WWOX: variants seen among roughly 807,000 people sequenced by gnomAD.
The protein encoded by WWOX is WW domain-containing oxidoreductase.
WWOX carries 69 observed loss-of-function variants against 46.2 expected under a neutral mutation model. That is an observed-to-expected ratio of 1.49 (90% CI 1.23 to 1.82). WWOX has a LOEUF of 1.82. WWOX is among the 40% of genes most tolerant of loss of function. The pLI is 0.00. For missense variants in WWOX, 919 were observed against 542.6 expected, an observed-to-expected ratio of 1.69 and a Z score of -6.89; for synonymous variants, 359 against 202.6, an observed-to-expected ratio of 1.77 and a Z score of -6.56.
intron 5 of WWOX, among the ~76,000 whole-genome samples, chr16:78,262,097 CAAAAA>C (rs752161345): frequency 3.2e-5 from 2 of 62,610 alleles, no homozygotes; most frequent in East Asian, 6.3e-4. Context: ...GAAACTCTGT[CAAAAA>C]AAAAAAAAAA....
intron 5 of WWOX, among the ~76,000 whole-genome samples, chr16:78,240,623 C>G (rs900568445): frequency 6.6e-6 from 1 of 152,206 alleles, no homozygotes; most frequent in African/African-American, 2.4e-5. Context: ...AGGAACTTCA[C>G]AGGGTCTTTG....
At chr16:78,989,869 A>G (rs973083067) in intron 8 of WWOX, among the ~76,000 whole-genome samples, 7 of 144,342 alleles carry the variant, frequency 4.8e-5, no homozygotes, top group South Asian at 2.2e-4. Context: ...TGAGAGAGAG[A>G]GAGACAGATG....
At chr16:78,916,669 C>T (rs1424660010) in intron 8 of WWOX, among the ~76,000 whole-genome samples, 2 of 152,130 alleles carry the variant, frequency 1.3e-5, no homozygotes, top group African/African-American at 4.8e-5. Flanking sequence ...AGTAAAATTC[C>T]ATCCCAGGCA....
At chr16:78,875,140 A>G (rs1379435967) in intron 8 of WWOX, among the ~76,000 whole-genome samples, 3 of 152,160 alleles carry the variant, frequency 2.0e-5, no homozygotes, top group East Asian at 1.9e-4. Flanking sequence ...TCTCTACTTC[A>G]TGGGTTTGAA....
At chr16:78,966,777 C>G (rs1209443228) in intron 8 of WWOX, among the ~76,000 whole-genome samples, 1 of 152,150 alleles carries the variant, frequency 6.6e-6, no homozygotes, top group Non-Finnish European at 1.5e-5. Context: ...GGTCTGGATT[C>G]AAATCACATG....
chr16:78,997,607 C>T (rs2047015652), intron 8 of WWOX, among the ~76,000 whole-genome samples: 1 of 152,126 alleles, frequency 6.6e-6, no homozygotes, highest in African/African-American at 2.4e-5. Context: ...CTGATCATGC[C>T]AAGAAACCTA....
At chr16:79,009,693 C>A (rs897055743) in intron 8 of WWOX, among the ~76,000 whole-genome samples, 1 of 152,164 alleles carries the variant, frequency 6.6e-6, no homozygotes, top group Non-Finnish European at 1.5e-5. Flanking sequence ...TCAGGTGATC[C>A]ACCCACCTCA....
intron 8 of WWOX, among the ~76,000 whole-genome samples, chr16:78,929,538 T>A (rs995508188): frequency 1.3e-5 from 2 of 151,718 alleles, no homozygotes; most frequent in Admixed American, 1.3e-4. Context: ...GGGATCCGAG[T>A]GAGATGGCCA....
chr16:79,066,149 C>G (rs1020572727), intron 8 of WWOX, among the ~76,000 whole-genome samples: 2 of 152,162 alleles, frequency 1.3e-5, no homozygotes, highest in African/African-American at 2.4e-5. Flanking sequence ...ATCTACTAAT[C>G]TTTGAGTTTG....
intron 5 of WWOX, among the ~76,000 whole-genome samples, chr16:78,381,315 A>T (rs1268048344): frequency 6.6e-6 from 1 of 152,228 alleles, no homozygotes; most frequent in Non-Finnish European, 1.5e-5. Flanking sequence ...TCACTAACAC[A>T]GGTTTCAGTA....
chr16:79,198,838 C>G (rs140698789), intron 8 of WWOX, among the ~76,000 whole-genome samples: 489 of 152,224 alleles, frequency 3.2e-3, no homozygotes, highest in African/African-American at 0.011. Flanking sequence ...GTTTGCTAGT[C>G]TTTGTTGTTG....
At chr16:78,116,033 G>T (rs1344000494) in intron 4 of WWOX, among the ~76,000 whole-genome samples, 4 of 151,980 alleles carry the variant, frequency 2.6e-5, no homozygotes, top group Non-Finnish European at 2.9e-5. Context: ...GTATATAAAG[G>T]TGTCTATATT....
At chr16:78,141,461 T>TC (rs1306059682) in intron 4 of WWOX, among the ~76,000 whole-genome samples, 1 of 136,288 alleles carries the variant, frequency 7.3e-6, no homozygotes, top group African/African-American at 2.7e-5. Flanking sequence ...CATCCTGTAC[T>TC]CCTTTGAGAA....
chr16:79,051,357 C>G (rs2048163888), intron 8 of WWOX, among the ~76,000 whole-genome samples: 2 of 152,110 alleles, frequency 1.3e-5, no homozygotes, highest in South Asian at 2.1e-4. Context: ...ACATAAAATC[C>G]AAAACAGGTG....
At chr16:79,151,704 T>C (rs2050282673) in intron 8 of WWOX, among the ~76,000 whole-genome samples, 1 of 152,170 alleles carries the variant, frequency 6.6e-6, no homozygotes, top group African/African-American at 2.4e-5. Context: ...CTATCTCGTG[T>C]TGAGAGCATG....
At chr16:78,763,037 G>A (rs901330455) in intron 8 of WWOX, among the ~76,000 whole-genome samples, 1 of 152,142 alleles carries the variant, frequency 6.6e-6, no homozygotes, top group Non-Finnish European at 1.5e-5. Flanking sequence ...GTACGACTCT[G>A]GGACTTACAC....
intron 8 of WWOX, among the ~76,000 whole-genome samples, chr16:78,918,346 C>G (rs932700460): frequency 4.6e-5 from 7 of 152,138 alleles, no homozygotes; most frequent in African/African-American, 1.4e-4. Flanking sequence ...CTTCCTTTTC[C>G]TAAGGAGTCC....
At chr16:79,012,187 C>T (rs923028234) in intron 8 of WWOX, among the ~76,000 whole-genome samples, 26 of 152,236 alleles carry the variant, frequency 1.7e-4, no homozygotes, top group African/African-American at 6.3e-4. Flanking sequence ...ATAAAAGCCA[C>T]AAGCCACATC....
intron 5 of WWOX, among the ~76,000 whole-genome samples, chr16:78,246,661 G>C (rs896558375): frequency 6.6e-6 from 1 of 152,188 alleles, no homozygotes; most frequent in Non-Finnish European, 1.5e-5. Flanking sequence ...CATGGAAAAG[G>C]CTTTGCTTTT....
Sources: allele counts gnomAD v4.1 joint callset (sites outside exome capture counted in the v4.1 genomes callset), GRCh38; gene constraint gnomAD v4.1.1; transcripts MANE v1.5; gene names NCBI Gene and HGNC (gene_info 2026-07-23, HGNC 2026-07-21).